RALGAPA1: variants seen among roughly 807,000 people sequenced by gnomAD.
RALGAPA1 encodes the protein ral GTPase-activating protein subunit alpha-1.
In RALGAPA1, 52 loss-of-function variants were observed where a neutral mutation model predicts 269.6. The ratio of observed to expected loss-of-function variants is 0.19; its 90% CI spans 0.15 to 0.24. The LOEUF (loss-of-function observed/expected upper bound fraction) is 0.24, where lower values mean the gene tolerates loss of function less well. Among genes scored for constraint, RALGAPA1 ranks in the 10% least tolerant of loss-of-function variants. RALGAPA1 has a pLI of 1.00. For synonymous variants in RALGAPA1, 817 were observed against 1,008.3 expected, an observed-to-expected ratio of 0.81 and a Z score of 3.60; for missense variants, 1,917 against 3,013.9, an observed-to-expected ratio of 0.64 and a Z score of 8.52.
At chr14:35,624,173 A>T (rs1200344028) in intron 35 of RALGAPA1, among the ~76,000 whole-genome samples, 2 of 150,076 alleles carry the variant, frequency 1.3e-5, no homozygotes, top group Admixed American at 1.3e-4. Context: ...AAAAAAAAAA[A>T]ACAACTTGGT....
chr14:35,617,579 T>C (rs757883810), intron 35 of RALGAPA1, among the ~76,000 whole-genome samples: 8 of 128,942 alleles, frequency 6.2e-5, no homozygotes, highest in African/African-American at 1.8e-4. Flanking sequence ...TATCATGTCA[T>C]TGAACTCCAG....
chr14:35,702,839 A>G (rs1382692398), intron 16 of RALGAPA1, among the ~76,000 whole-genome samples: 1 of 149,858 alleles, frequency 6.7e-6, no homozygotes, highest in African/African-American at 2.5e-5. Context: ...TCCTGGTTTC[A>G]TGCCATTCTC....
chr14:35,765,726 G>T, intron 4 of RALGAPA1: 1 of 338,958 alleles, frequency 3.0e-6, no homozygotes, highest in Non-Finnish European at 5.6e-6. Context: ...AAACTCCTGG[G>T]CTCAGGTGAT....
intron 41 of RALGAPA1, among the ~76,000 whole-genome samples, chr14:35,541,001 T>C (rs2053916763): frequency 6.6e-6 from 1 of 151,324 alleles, no homozygotes; most frequent in South Asian, 2.1e-4. Context: ...TATTGAGATG[T>C]CTTAAGCAAT....
chr14:35,542,646 A>T (rs762331888), intron 41 of RALGAPA1: 6 of 152,240 alleles, frequency 3.9e-5, no homozygotes, highest in Non-Finnish European at 7.3e-5. Flanking sequence ...TTCATTTCAC[A>T]TCCTACTCTA....
In RALGAPA1 at chr14:35,801,282, CAT is replaced by C. The variant is rs58784093; in HGVS notation, c.106+7446_106+7447del. 2.6e-3 allele frequency among the ~76,000 whole-genome samples: 378 copies of C among 143,200 alleles called. 2 individuals are homozygous for C. Among genetic ancestry groups the C allele is most frequent in the African/African-American group, 0.01 (363 of 35,062 alleles). The allele number at this position is 143,200 out of a possible 152,430, so 93.9% of individuals were successfully genotyped here. ...ACACACACACACACACACACACACA[CAT>C]TTGAGATAGAGTCTCGCTCTGTTGC... On this transcript the variant is annotated intron_variant, in intron 1 of 41. Coordinates refer to ENST00000680220, the MANE Select transcript of RALGAPA1 (RefSeq NM_001346249.2).
At position 35,760,963 on chromosome 14, in the gene RALGAPA1, G is replaced by A; in HGVS notation, c.413C>T (p.Ala138Val). 6.2e-7 allele frequency: 1 copy of A among 1,608,340 alleles called. No homozygotes were observed. The highest frequency in any genetic ancestry group is 8.5e-7 in the Non-Finnish European group (1 of 1,176,988). ...GVRLFLLWLQALQNNCSKEQL... is the reference protein window; with the variant it reads ...GVRLFLLWLQVLQNNCSKEQL... ...TTCTTTGCTACAGTTATTCTGAAGA[G>A]CTTGCAACCATAGTAAGAAAAGACG... Residue 138 changes from alanine to valine, a missense_variant, in exon 6 of 42, where the codon GCT becomes GTT. This residue lies in a region of RALGAPA1 where 462 missense variants were observed against 725.6 expected (regional missense o/e 0.64). Transcript: ENST00000680220.
At position 35,717,668 on chromosome 14, in the gene RALGAPA1, A is replaced by G. The variant is rs760788982; in HGVS notation, c.2266+4020T>C. ...CTGGTTCAAGCAAATCTTGTACCTC[A>G]GCCTCCTGAGTAGCTGGGACTAGGG... On this transcript the variant is annotated intron_variant, in intron 16 of 41. Transcript: ENST00000680220. Among the ~76,000 whole-genome samples, 8 of 152,156 alleles carry G rather than the reference A, an allele frequency of 5.3e-5. No homozygotes were observed. In the South Asian group the frequency reaches 1.5e-3, roughly 28 times the overall value.
Position 35,686,547 on chromosome 14 carries a change from C to T in RALGAPA1, c.4072G>A (p.Ala1358Thr), listed in dbSNP as rs1169722920. The change falls in exon 19 of 42, where the codon GCC (alanine) becomes ACC (threonine). Residue 1358 changes from alanine to threonine, a missense_variant. Physicochemically the swap from Ala to Thr is moderately conservative, Grantham distance 58. Coordinates refer to ENST00000680220, the MANE Select transcript of RALGAPA1 (RefSeq NM_001346249.2). ...FIAERLRSGN[A>T]STMTRRGSSP... ...ATATATAAAATAAAACTTACCGAGG[C>T]ATTACCACTTCGAAGTCGTTCTGCT... The T allele has an allele frequency of 1.9e-6, 3 of 1,600,190 alleles. No individual in the cohort carries two copies. Among genetic ancestry groups the T allele is most frequent in the African/African-American group, 2.7e-5 (2 of 74,352 alleles).
intron 22 of RALGAPA1, among the ~76,000 whole-genome samples, chr14:35,676,061 T>G (rs1285078472): frequency 6.6e-6 from 1 of 152,028 alleles, no homozygotes; most frequent in African/African-American, 2.4e-5. Flanking sequence ...CACACTGAAG[T>G]GTTAACCATT....
intron 1 of RALGAPA1, among the ~76,000 whole-genome samples, chr14:35,789,644 G>A (rs972087638): frequency 3.3e-5 from 5 of 152,010 alleles, no homozygotes; most frequent in East Asian, 1.9e-4. Flanking sequence ...GTTTCATCCC[G>A]AAACCATTCC....
chr14:35,721,599 G>T, intron 16 of RALGAPA1, 89 bp downstream of exon 16: 2 of 1,208,562 alleles, frequency 1.7e-6, no homozygotes, highest in Non-Finnish European at 1.1e-6. Context: ...TAATCAACTG[G>T]TAAGAAAAAT....
intron 41 of RALGAPA1, among the ~76,000 whole-genome samples, chr14:35,543,118 A>G (rs1052366248): frequency 5.3e-5 from 8 of 152,220 alleles, no homozygotes; most frequent in African/African-American, 1.7e-4. Context: ...AGACAGTCCT[A>G]GATTAAATGC....
At position 35,570,498 on chromosome 14, in the gene RALGAPA1, A is replaced by C. The variant is rs1194205587; in HGVS notation, c.7496+119T>G. 9 of 846,034 alleles carry C rather than the reference A, an allele frequency of 1.1e-5. No individual in the cohort carries two copies. In the East Asian group the frequency reaches 2.3e-4, roughly 21 times the overall value. 52.4% of individuals were successfully genotyped at this position (846,034 alleles called of 1,614,324 possible). On this transcript the variant is annotated intron_variant, in intron 39 of 41. Transcript: ENST00000680220. ...AAACATAATGATACTCCATTTCTACAAAAAATAATAATTAAAAAAACCCTA... is the reference window on the plus strand; with the variant it reads ...AAACATAATGATACTCCATTTCTACCAAAAATAATAATTAAAAAAACCCTA...
At position 35,742,490 on chromosome 14, in the gene RALGAPA1, C is replaced by G. The variant is rs763718558; in HGVS notation, c.1327G>C (p.Glu443Gln). ...TCTTGCATGAACAAAGGTTTTTCCT[C>G]TTGTTGGATCCATTCTTGATATACT... ...VKVYQEWIQQ[E>Q]EKPLFMQEPE... The change falls in exon 11 of 42, where the codon GAG (glutamate) becomes CAG (glutamine). Residue 443 changes from glutamate to glutamine, a missense_variant. By Grantham distance (29) the Glu-to-Gln change is conservative. This residue lies in a region of RALGAPA1 where 462 missense variants were observed against 725.6 expected (regional missense o/e 0.64). Coordinates refer to ENST00000680220, the MANE Select transcript of RALGAPA1 (RefSeq NM_001346249.2). 6 of 1,599,800 alleles carry G rather than the reference C, an allele frequency of 3.8e-6. No homozygotes were observed. Among genetic ancestry groups the G allele is most frequent in the Non-Finnish European group, 5.1e-6 (6 of 1,167,676 alleles).
chr14:35,786,308 G>C (rs1343336090), intron 1 of RALGAPA1, among the ~76,000 whole-genome samples: 1 of 152,066 alleles, frequency 6.6e-6, no homozygotes, highest in African/African-American at 2.4e-5. Context: ...ATACAGTCAG[G>C]GAAGTGGCAT....
chr14:35,761,190 T>G (rs999567012), intron 5 of RALGAPA1, among the ~76,000 whole-genome samples, 184 bp from the exon 6 acceptor site: 1 of 152,168 alleles, frequency 6.6e-6, no homozygotes, highest in African/African-American at 2.4e-5. Flanking sequence ...GAAATACAAA[T>G]GCATGGATTT....
At chr14:35,775,766 A>G (rs760261663) in intron 1 of RALGAPA1, 21 bp from the exon 2 acceptor site, 2 of 1,523,384 alleles carry the variant, frequency 1.3e-6, no homozygotes, top group Non-Finnish European at 1.7e-6. Flanking sequence ...AAAAAAAATT[A>G]CTGATTATTT....
intron 31 of RALGAPA1, among the ~76,000 whole-genome samples, chr14:35,649,157 G>A (rs1213812818): frequency 6.6e-6 from 1 of 152,086 alleles, no homozygotes; most frequent in Non-Finnish European, 1.5e-5. Context: ...CTTTTTATAT[G>A]CAACAAACTG....
Sources: gnomAD v4.1 joint callset for allele counts (sites outside exome capture counted in the v4.1 genomes callset) on GRCh38, gnomAD v4.1.1 for gene constraint, gnomAD v4.1.1 regional missense constraint, MANE v1.5 for transcripts, NCBI Gene and HGNC (gene_info 2026-07-23, HGNC 2026-07-21) for gene names.